The following STK25 variants were observed in gnomAD, a reference collection of about 807,000 sequenced individuals.
STK25 encodes the protein serine/threonine kinase 25.
STK25 carries 29 observed loss-of-function variants against 53.8 expected under a neutral mutation model. The ratio of observed to expected loss-of-function variants is 0.54; its 90% confidence interval spans 0.40 to 0.74. The LOEUF (loss-of-function observed/expected upper bound fraction) is 0.74. Ranked by LOEUF, STK25 falls within the 30% of genes least tolerant of loss-of-function variation. STK25 has a pLI of 0.00. For missense variants in STK25, 420 were observed against 568.0 expected, an observed-to-expected ratio of 0.74 and a Z score of 2.65; for synonymous variants, 247 against 238.3, an observed-to-expected ratio of 1.04 and a Z score of -0.33.
rs1013520245 is a variant in STK25, at chr2:241,496,958, G to A, written c.1105-424C>T. Among the ~76,000 whole-genome samples the A allele has an allele frequency of 6.6e-6, 1 of 152,228 alleles. No individual in the cohort carries two copies. The highest frequency in any genetic ancestry group is 6.5e-5 in the Admixed American group (1 of 15,286). On this transcript the variant is annotated intron_variant, in intron 10 of 11. Coordinates refer to ENST00000316586, the MANE Select transcript of STK25 (RefSeq NM_001271977.2). The surrounding 1 kb of genome is among the most constrained non-coding windows in gnomAD (Gnocchi z 5.8). ...ACCAGCATCTGAGCCTCCTGTCACC[G>A]GGTGTCACCCACCCTCGGGGGGCTG...
intron 5 of STK25, chr2:241,499,769 G>T: frequency 2.1e-6 from 1 of 467,550 alleles, no homozygotes; most frequent in Non-Finnish European, 3.9e-6. Context: ...CACCAGAATC[G>T]TCCCCTACAT....
In STK25 at chr2:241,500,237, C is replaced by T. The variant is rs150411240; in HGVS notation, c.363G>A (p.Leu121=). The T allele has an allele frequency of 2.0e-5, 32 of 1,613,978 alleles. No individual in the cohort carries two copies. In the East Asian group the frequency reaches 6.2e-4, roughly 31 times the overall value. The change falls in exon 5 of 12, where the codon CTG becomes CTA. Residue 121 remains leucine (L), a synonymous_variant. Coordinates refer to ENST00000316586, the MANE Select transcript of STK25 (RefSeq NM_001271977.2). ...PLEETYIATI[L]REILKGLDYL... ...AATCCAGGCCCTTCAGAATCTCCCG[C>T]AGGATCGTGGCAATGTATGTCTCCT...
chr2:241,497,376 C>T, intron 10 of STK25: 1 of 528,164 alleles, frequency 1.9e-6, no homozygotes, highest in Admixed American at 3.2e-5. Flanking sequence ...TCTGTGTTTG[C>T]ACCTGAAGAA....
intron 2 of STK25, among the ~76,000 whole-genome samples, chr2:241,505,051 G>T (rs926146303): frequency 1.3e-5 from 2 of 151,608 alleles, no homozygotes; most frequent in Non-Finnish European, 2.9e-5. Flanking sequence ...CGAGTAGCCG[G>T]ACTTACAGGC....
chr2:241,507,058 G>A (rs928176200), intron 2 of STK25, among the ~76,000 whole-genome samples: 1 of 152,148 alleles, frequency 6.6e-6, no homozygotes, highest in Admixed American at 6.5e-5. Context: ...TCCACTGCAG[G>A]CCCAACTCTC....
rs1043813404 is a variant in STK25 at position 241,508,045 on chromosome 2, G to A, written c.-10C>T. Reference sequence around the variant, plus strand: ...CCCGGAGGTGAGCCATGGCCGCGCCGCCTCAGACCCTCCGCCAGCAGCCCC... The same window carrying A: ...CCCGGAGGTGAGCCATGGCCGCGCCACCTCAGACCCTCCGCCAGCAGCCCC... On this transcript the variant is annotated 5_prime_UTR_variant, in exon 2 of 12. Transcript: ENST00000316586. 19 of 1,602,620 alleles carry A rather than the reference G, an allele frequency of 1.2e-5. No homozygotes were observed. Among genetic ancestry groups the A allele is most frequent in the East Asian group, 4.5e-5 (2 of 44,198 alleles).
chr2:241,493,938 C>A lies in STK25; in HGVS notation c.*1724G>T. ...TCTTTTGTCCTGCTTGTCCCATATC[C>A]TGGGTTGTTCTTGGGACAGTGTCTG... is the stretch of plus-strand genomic sequence containing the variant. On this transcript the variant is annotated 3_prime_UTR_variant, in exon 12 of 12. Coordinates refer to ENST00000316586, the MANE Select transcript of STK25 (RefSeq NM_001271977.2). 1.0e-6 allele frequency: 1 copy of A among 1,001,842 alleles called. No individual in the cohort carries two copies. 62.1% of individuals were successfully genotyped at this position (1,001,842 alleles called of 1,614,324 possible). A position where few individuals can be genotyped will look rare whatever the true frequency, so the allele number is the denominator to read the frequency against.
At position 241,493,115 on chromosome 2, in the gene STK25, G is replaced by GTATT. The variant is rs578107284; in HGVS notation, c.*2543_*2546dup. ...AACCCTGCTCACCTGTGTCCCTTTTGTATTTTGGTTCTGCCCTCCCATGCT... is the reference window on the plus strand; with the variant it reads ...AACCCTGCTCACCTGTGTCCCTTTTGTATTTATTTTGGTTCTGCCCTCCCATGCT... On this transcript the variant is annotated 3_prime_UTR_variant, in exon 12 of 12. Transcript: ENST00000316586. 2,036 of 1,137,800 alleles carry GTATT rather than the reference G, an allele frequency of 1.8e-3. 38 individuals carry two copies. The South Asian group carries it at 0.021, about 12-fold the overall frequency. The allele number at this position is 1,137,800 out of a possible 1,614,324, so 70.5% of individuals were successfully genotyped here.
intron 2 of STK25, among the ~76,000 whole-genome samples, chr2:241,502,739 C>CA (rs1351943520): frequency 6.7e-6 from 1 of 150,334 alleles, no homozygotes; most frequent in African/African-American, 2.4e-5. Flanking sequence ...AACTAGGTCT[C>CA]AAAAAAATAA....
At chr2:241,497,409 A>G in intron 10 of STK25, 2 of 575,496 alleles carry the variant, frequency 3.5e-6, no homozygotes, top group Non-Finnish European at 6.3e-6. Flanking sequence ...CTAGGAACCC[A>G]GAGAACCTTG....
At chr2:241,504,723 T>C (rs572752262) in intron 2 of STK25, among the ~76,000 whole-genome samples, 1 of 151,914 alleles carries the variant, frequency 6.6e-6, no homozygotes, top group Non-Finnish European at 1.5e-5. Context: ...CACAAGTGCA[T>C]GTCAAAGCAT....
In STK25 at chr2:241,494,166, G is replaced by C; in HGVS notation, c.*1496C>G. 7.8e-7 allele frequency: 1 copy of C among 1,284,724 alleles called. No individual in the cohort carries two copies. The highest frequency in any genetic ancestry group is 1.1e-6 in the Non-Finnish European group (1 of 948,792). The allele number at this position is 1,284,724 out of a possible 1,614,324, so 79.6% of individuals were successfully genotyped here. ...GGTTTGGACACAACTACAAAGAACA[G>C]CAGGACACAGAGGTGACCTCTGTCC... On this transcript the variant is annotated 3_prime_UTR_variant, in exon 12 of 12. Transcript: ENST00000316586. The surrounding 1 kb of genome is among the most constrained non-coding windows in gnomAD (Gnocchi z 4.9).
At position 241,493,220 on chromosome 2, in the gene STK25, C is replaced by T; in HGVS notation, c.*2442G>A. On this transcript the variant is annotated 3_prime_UTR_variant, in exon 12 of 12. Coordinates refer to ENST00000316586, the MANE Select transcript of STK25 (RefSeq NM_001271977.2). The stretch of plus-strand genomic sequence containing the variant: ...GGCATTTGTACGTGCCACCGTTGTG[C>T]AGGTAGCAGAGGAATGGGCATTCCC... The T allele has an allele frequency of 6.7e-7, 1 of 1,502,950 alleles. No individual in the cohort carries two copies. Among genetic ancestry groups the T allele is most frequent in the Non-Finnish European group, 9.2e-7 (1 of 1,086,362 alleles). The allele number at this position is 1,502,950 out of a possible 1,614,324, so 93.1% of individuals were successfully genotyped here.
At chr2:241,509,158 GA>G (rs2066028371), upstream of STK25, 1 of 152,430 alleles carries the variant, frequency 6.6e-6, no homozygotes, top group African/African-American at 2.4e-5. Flanking sequence ...AGGCCTTGGA[GA>G]AGCTACCGGC....
chr2:241,494,093 C>G lies in STK25; in HGVS notation c.*1569G>C. The G allele has an allele frequency of 6.8e-7, 1 of 1,470,026 alleles. No individual in the cohort carries two copies. Among genetic ancestry groups the G allele is most frequent in the Non-Finnish European group, 8.9e-7 (1 of 1,118,334 alleles). The allele number at this position is 1,470,026 out of a possible 1,614,324, so 91.1% of individuals were successfully genotyped here. On this transcript the variant is annotated 3_prime_UTR_variant, in exon 12 of 12. Transcript: ENST00000316586. The surrounding 1 kb of genome is among the most constrained non-coding windows in gnomAD (Gnocchi z 4.9). ...GGATGGCCCCCAACCCTCCTCAGGGCTGGAGGGGATGGTCAGGGGGAAGGA... is the reference window on the plus strand; with the variant it reads ...GGATGGCCCCCAACCCTCCTCAGGGGTGGAGGGGATGGTCAGGGGGAAGGA...
At position 241,501,070 on chromosome 2, in the gene STK25, C is replaced by G; in HGVS notation, c.262-274G>C. On this transcript the variant is annotated intron_variant, in intron 3 of 11. Coordinates refer to ENST00000316586, the MANE Select transcript of STK25 (RefSeq NM_001271977.2). The surrounding 1 kb of genome is among the most constrained non-coding windows in gnomAD (Gnocchi z 5.3). ...CAAAAACCAGGCTGCTGATCCAGTC[C>G]TACAGGGCTGGGAAGAGGGCATGGC... 1 of 576,092 alleles carries G rather than the reference C, an allele frequency of 1.7e-6. No individual in the cohort carries two copies. The highest frequency in any genetic ancestry group is 3.1e-6 in the Non-Finnish European group (1 of 322,206). 35.7% of individuals were successfully genotyped at this position (576,092 alleles called of 1,614,324 possible).
rs1356766207 is a variant in STK25 at position 241,501,080 on chromosome 2, G to A, written c.262-284C>T. ...GCTGCTGATCCAGTCCTACAGGGCT[G>A]GGAAGAGGGCATGGCTGGCAAGCAT... On this transcript the variant is annotated intron_variant, in intron 3 of 11. Coordinates refer to ENST00000316586, the MANE Select transcript of STK25 (RefSeq NM_001271977.2). The surrounding 1 kb of genome is among the most constrained non-coding windows in gnomAD (Gnocchi z 5.3). 2.8e-5 allele frequency: 16 copies of A among 570,688 alleles called. No homozygotes were observed. The allele number at this position is 570,688 out of a possible 1,614,324, so 35.4% of individuals were successfully genotyped here. A position where few individuals can be genotyped will look rare whatever the true frequency, so the allele number is the denominator to read the frequency against.
At chr2:241,508,232 C>G (rs2065974983) in intron 1 of STK25, 97 bp from the exon 2 acceptor site, 16 of 1,311,074 alleles carry the variant, frequency 1.2e-5, no homozygotes, top group Non-Finnish European at 1.4e-5. Context: ...GCCCAGGAGA[C>G]CCCCCAGGCC....
At chr2:241,500,537 C>G (rs542198288) in intron 4 of STK25, among the ~76,000 whole-genome samples, 29 of 152,318 alleles carry the variant, frequency 1.9e-4, no homozygotes, top group Non-Finnish European at 3.7e-4. Flanking sequence ...GGCCTGCCCC[C>G]GCCCACTCCC....
Sources: allele counts gnomAD v4.1 joint callset (sites outside exome capture counted in the v4.1 genomes callset), GRCh38; gene constraint gnomAD v4.1.1; non-coding constraint Gnocchi (gnomAD v3.1); transcripts MANE v1.5; gene names NCBI Gene and HGNC (gene_info 2026-07-23, HGNC 2026-07-21).